The following TNFSF4 variants were observed in gnomAD, a reference collection of about 807,000 sequenced individuals.
TNFSF4 encodes the protein TNF superfamily member 4.
A neutral mutation model predicts 7.3 loss-of-function variants in TNFSF4; 4 were observed. That is an observed-to-expected ratio of 0.55 (90% CI 0.27 to 1.25). The LOEUF (loss-of-function observed/expected upper bound fraction) is 1.25, where lower values mean the gene tolerates loss of function less well. Among genes scored for constraint, TNFSF4 ranks in the 50% most tolerant of loss-of-function variants. The pLI, the probability that TNFSF4 is intolerant of heterozygous loss-of-function variation, is 0.12. For missense variants in TNFSF4, 181 were observed against 208.8 expected (o/e 0.87, Z 0.82); for synonymous variants, 76 against 83.7 (o/e 0.91, Z 0.50).
the TNFSF4 span, among the ~76,000 whole-genome samples, chr1:173,295,239 A>C: frequency 6.6e-6 from 1 of 152,056 alleles, no homozygotes; most frequent in Admixed American, 6.6e-5. Flanking sequence ...ACGTCTAAGT[A>C]ATTACCCAGG....
chr1:173,201,457 C>A (rs1649940013), intron 1 of TNFSF4, among the ~76,000 whole-genome samples: 1 of 152,274 alleles, frequency 6.6e-6, no homozygotes, highest in South Asian at 2.1e-4. Flanking sequence ...ATAAAGTCAA[C>A]ATTTTAGTAG....
chr1:173,382,341 G>A, the TNFSF4 span, among the ~76,000 whole-genome samples: 2 of 152,158 alleles, frequency 1.3e-5, no homozygotes, highest in African/African-American at 4.8e-5. Context: ...AAGGAACACA[G>A]TCCGGACACA....
the TNFSF4 span, among the ~76,000 whole-genome samples, chr1:173,242,576 A>G: frequency 3.2e-4 from 48 of 152,354 alleles, no homozygotes; most frequent in African/African-American, 1.1e-3. Context: ...TTTTGCAAGC[A>G]TGATTAAATT....
At chr1:173,308,492 G>A in the TNFSF4 span, among the ~76,000 whole-genome samples, 2 of 151,576 alleles carry the variant, frequency 1.3e-5, no homozygotes, top group African/African-American at 4.9e-5. Context: ...TCCATATGGA[G>A]ACACAGCACT....
the TNFSF4 span, among the ~76,000 whole-genome samples, chr1:173,264,689 A>G: frequency 6.6e-6 from 1 of 152,236 alleles, no homozygotes; most frequent in Non-Finnish European, 1.5e-5. Context: ...GTTAATATGC[A>G]TTCCTGTAAC....
chr1:173,418,786 C>T, the TNFSF4 span, among the ~76,000 whole-genome samples: 3 of 152,078 alleles, frequency 2.0e-5, no homozygotes, highest in African/African-American at 7.2e-5. Context: ...ATGGTCATGG[C>T]GAGCCTTACA....
the TNFSF4 span, among the ~76,000 whole-genome samples, chr1:173,408,319 G>A: frequency 1.7e-4 from 26 of 152,184 alleles, no homozygotes; most frequent in South Asian, 5.2e-3. Flanking sequence ...AGAATGATAG[G>A]AACACTGGCC....
At chr1:173,194,983 A>T (rs1649639160) in intron 1 of TNFSF4, among the ~76,000 whole-genome samples, 1 of 152,160 alleles carries the variant, frequency 6.6e-6, no homozygotes, top group Non-Finnish European at 1.5e-5. Context: ...GCTGCTCAAA[A>T]TAACATTGTG....
the TNFSF4 span, among the ~76,000 whole-genome samples, chr1:173,286,704 GAC>G: frequency 6.6e-6 from 1 of 151,876 alleles, no homozygotes; most frequent in African/African-American, 2.4e-5. Flanking sequence ...TCTTAAACAG[GAC>G]ATAAAATGCA....
the TNFSF4 span, among the ~76,000 whole-genome samples, chr1:173,351,322 T>A: frequency 6.6e-6 from 1 of 152,316 alleles, no homozygotes; most frequent in South Asian, 2.1e-4. Context: ...AGCATCCCTA[T>A]CCAATCATGC....
the TNFSF4 span, among the ~76,000 whole-genome samples, chr1:173,393,569 C>T: frequency 6.6e-6 from 1 of 152,322 alleles, no homozygotes; most frequent in Middle Eastern, 3.4e-3. Flanking sequence ...ACAGCTGGCA[C>T]CTTGAGATTC....
chr1:173,224,509 C>T, the TNFSF4 span, among the ~76,000 whole-genome samples: 9 of 152,086 alleles, frequency 5.9e-5, no homozygotes, highest in African/African-American at 2.2e-4. Flanking sequence ...ATTGGTAGGC[C>T]GTAATTATGG....
chr1:173,197,704 C>T (rs1649764255), intron 1 of TNFSF4, among the ~76,000 whole-genome samples: 1 of 152,120 alleles, frequency 6.6e-6, no homozygotes, highest in South Asian at 2.1e-4. Flanking sequence ...GGGAGGGCAT[C>T]AGGAAAAATA....
chr1:173,336,909 T>C, the TNFSF4 span, among the ~76,000 whole-genome samples: 1 of 151,872 alleles, frequency 6.6e-6, no homozygotes, highest in Non-Finnish European at 1.5e-5. Flanking sequence ...CAATGCTTAT[T>C]AGGCCTCTAG....
chr1:173,383,104 T>C, the TNFSF4 span, among the ~76,000 whole-genome samples: 16 of 152,172 alleles, frequency 1.1e-4, no homozygotes, highest in Non-Finnish European at 2.1e-4. Context: ...TCATTCCAAG[T>C]ATTAGGTGCA....
At chr1:173,388,900 A>C in the TNFSF4 span, among the ~76,000 whole-genome samples, 106,713 of 151,922 alleles carry the variant, frequency 0.7, 37,635 homozygotes, top group African/African-American at 0.78. Context: ...AAAGGAGCCC[A>C]GAAACTAAAA....
the TNFSF4 span, chr1:173,174,685 C>G: frequency 6.6e-6 from 1 of 152,272 alleles, no homozygotes; most frequent in East Asian, 1.9e-4. Flanking sequence ...AGAACCACCC[C>G]CATGATCTAA....
the TNFSF4 span, among the ~76,000 whole-genome samples, chr1:173,328,489 A>C: frequency 6.6e-6 from 1 of 151,796 alleles, no homozygotes; most frequent in African/African-American, 2.4e-5. Flanking sequence ...ATGTACCCTA[A>C]AACTTAAAGT....
At chr1:173,411,811 T>TA in the TNFSF4 span, among the ~76,000 whole-genome samples, 25 of 140,554 alleles carry the variant, frequency 1.8e-4, no homozygotes, top group Non-Finnish European at 1.7e-4. Context: ...AAAATAAAAA[T>TA]AAAAAAATTT....
Sources: gnomAD v4.1 joint callset for allele counts (sites outside exome capture counted in the v4.1 genomes callset) on GRCh38, gnomAD v4.1.1 for gene constraint, MANE v1.5 for transcripts, NCBI Gene and HGNC (gene_info 2026-07-23, HGNC 2026-07-21) for gene names.